The following WASHC5 variants were observed in gnomAD, a reference collection of about 807,000 sequenced individuals.
WASHC5 encodes the protein WASH complex subunit strumpellin.
Under a neutral mutation model 150.4 loss-of-function variants are expected in WASHC5, and 101 were observed. The ratio of observed to expected loss-of-function variants is 0.67; its 90% CI spans 0.57 to 0.79. WASHC5 has a LOEUF of 0.79. WASHC5 is among the 30% of genes least tolerant of loss of function. WASHC5 has a pLI of 0.00. For missense variants in WASHC5, 1,195 were observed against 1,396.3 expected (o/e 0.86, Z 2.30); for synonymous variants, 467 against 491.2 (o/e 0.95, Z 0.65).
intron 2 of WASHC5, 133 bp downstream of exon 2, chr8:125,083,580 A>G (rs1817336206): frequency 1.4e-6 from 1 of 703,052 alleles, no homozygotes; most frequent in Middle Eastern, 3.9e-4. Context: ...AGTAGCTAAT[A>G]TTAAGTTTAG....
At chr8:125,055,095 A>C (rs2130077159) in intron 17 of WASHC5, among the ~76,000 whole-genome samples, 1 of 152,284 alleles carries the variant, frequency 6.6e-6, no homozygotes, top group Non-Finnish European at 1.5e-5. Context: ...TAAGAGAAAT[A>C]AAGATTACAA....
intron 23 of WASHC5, among the ~76,000 whole-genome samples, chr8:125,042,983 T>C (rs1237646018): frequency 6.6e-6 from 1 of 152,254 alleles, no homozygotes; most frequent in Non-Finnish European, 1.5e-5. Context: ...AATGGAACTT[T>C]TCAAAATTCC....
Position 125,037,341 on chromosome 8 carries a change from G to A in WASHC5, c.3085-8C>T, listed in dbSNP as rs201735949. On this transcript the variant is annotated splice_region_variant and splice_polypyrimidine_tract_variant and intron_variant, in intron 25 of 28. Coordinates refer to ENST00000318410, the MANE Select transcript of WASHC5 (RefSeq NM_014846.4). ...CTTTGTTGTTATGTATATCTGGAAAGAGAAAGGTAAGAAAAATAGATGGTT... is the reference window on the plus strand; with the variant it reads ...CTTTGTTGTTATGTATATCTGGAAAAAGAAAGGTAAGAAAAATAGATGGTT... The A allele has an allele frequency of 5.6e-5, 85 of 1,511,974 alleles. No individual in the cohort carries two copies. The highest frequency in any genetic ancestry group is 7.5e-5 in the Non-Finnish European group (82 of 1,087,056). 93.7% of individuals were successfully genotyped at this position (1,511,974 alleles called of 1,614,324 possible).
Position 125,078,724 on chromosome 8 carries a change from G to A in WASHC5, c.711+14C>T. Reference sequence around the variant, plus strand: ...TAAACTGTCTTAATAGGTCTTAATAGATTTAATTCCCACCTGGTTGTAAAT... The same window carrying A: ...TAAACTGTCTTAATAGGTCTTAATAAATTTAATTCCCACCTGGTTGTAAAT... On this transcript the variant is annotated intron_variant, in intron 6 of 28. Transcript: ENST00000318410. The A allele has an allele frequency of 6.3e-7, 1 of 1,593,570 alleles. No homozygotes were observed. The highest frequency in any genetic ancestry group is 8.6e-7 in the Non-Finnish European group (1 of 1,163,664).
At chr8:125,089,727 G>A (rs576818178) in intron 1 of WASHC5, among the ~76,000 whole-genome samples, 1 of 152,318 alleles carries the variant, frequency 6.6e-6, no homozygotes, top group South Asian at 2.1e-4. Flanking sequence ...GCTTCAGTCT[G>A]GGATAACGAC....
In WASHC5 at chr8:125,080,793, T is replaced by C. The variant is rs984442435; in HGVS notation, c.518+868A>G. 7.2e-5 allele frequency among the ~76,000 whole-genome samples: 11 copies of C among 152,240 alleles called. 1 individual carries two copies. The highest frequency in any genetic ancestry group is 5.2e-4 in the Admixed American group (8 of 15,284). On this transcript the variant is annotated intron_variant, in intron 5 of 28. Transcript: ENST00000318410. The stretch of plus-strand genomic sequence containing the variant: ...CTGAAGAATCACAGTTCTGTATAGA[T>C]AAACACAACAAATGATTTGTGGATA...
Position 125,063,274 on chromosome 8 carries a change from A to C in WASHC5, c.1408+248T>G, listed in dbSNP as rs74754143. ...GAGTTACCAAAACCCCTGGTTTAGCATAACCTCACATTTCAAAGATAAGAT... is the reference window on the plus strand; with the variant it reads ...GAGTTACCAAAACCCCTGGTTTAGCCTAACCTCACATTTCAAAGATAAGAT... On this transcript the variant is annotated intron_variant, in intron 11 of 28. Coordinates refer to ENST00000318410, the MANE Select transcript of WASHC5 (RefSeq NM_014846.4). Among the ~76,000 whole-genome samples the C allele has an allele frequency of 0.026, 3,999 of 152,232 alleles. 182 individuals carry two copies. The highest frequency in any genetic ancestry group is 0.092 in the African/African-American group (3,829 of 41,518).
In WASHC5 at chr8:125,091,762, C is replaced by T. The variant is rs1817661589; in HGVS notation, c.-272G>A. The T allele has an allele frequency of 6.6e-6, 1 of 152,416 alleles. No individual in the cohort carries two copies. Among genetic ancestry groups the T allele is most frequent in the Non-Finnish European group, 1.5e-5 (1 of 68,196 alleles). 9.4% of individuals were successfully genotyped at this position (152,416 alleles called of 1,614,324 possible). On this transcript the variant is annotated 5_prime_UTR_variant, in exon 1 of 29. Transcript: ENST00000318410. ...GCGGGTCAGACCCCGACTTCCGCCC[C>T]TGACTCCCCAGGCGGTCACATGACC...
intron 26 of WASHC5, among the ~76,000 whole-genome samples, chr8:125,034,626 G>T (rs886915186): frequency 1.3e-5 from 2 of 152,128 alleles, no homozygotes; most frequent in African/African-American, 4.8e-5. Context: ...TTGGACAAAG[G>T]GTTGGCAGTT....
intron 3 of WASHC5, 118 bp downstream of exon 3, chr8:125,082,995 A>G: frequency 1.5e-6 from 1 of 687,716 alleles, no homozygotes; most frequent in Non-Finnish European, 2.5e-6. Flanking sequence ...AACTATATAC[A>G]GTATAAACTA....
intron 6 of WASHC5, 26 bp downstream of exon 6, chr8:125,078,712 T>C: frequency 7.1e-7 from 1 of 1,401,300 alleles, no homozygotes; most frequent in Non-Finnish European, 9.4e-7. Context: ...ACTGTCTTAA[T>C]AGGTCTTAAT....
At chr8:125,047,111 C>T (rs1010089048) in intron 20 of WASHC5, 96 bp downstream of exon 20, 27 of 1,438,626 alleles carry the variant, frequency 1.9e-5, no homozygotes, top group Non-Finnish European at 2.5e-5. Flanking sequence ...AAGTGCAGGA[C>T]CCCCGTGACT....
Position 125,028,815 on chromosome 8 carries a change from A to C in WASHC5, c.3336-108T>G, listed in dbSNP as rs1378566633. 5.2e-6 allele frequency: 4 copies of C among 769,002 alleles called. No homozygotes were observed. In the African/African-American group the frequency reaches 6.8e-5, roughly 13 times the overall value. 47.6% of individuals were successfully genotyped at this position (769,002 alleles called of 1,614,324 possible). On this transcript the variant is annotated intron_variant, in intron 27 of 28. Transcript: ENST00000318410. Reference sequence around the variant, plus strand: ...CCAACAGATTACCTAATGAAGTCAAAGATGAACAAAAACATTGAGCATGCT... The same window carrying C: ...CCAACAGATTACCTAATGAAGTCAACGATGAACAAAAACATTGAGCATGCT...
chr8:125,049,258 G>T, intron 18 of WASHC5, 73 bp from the exon 19 acceptor site: 1 of 1,514,880 alleles, frequency 6.6e-7, no homozygotes, highest in Non-Finnish European at 9.2e-7. Context: ...TATCTAACTA[G>T]ACTTTAAATA....
intron 5 of WASHC5, among the ~76,000 whole-genome samples, chr8:125,079,661 G>C (rs893760458): frequency 7.2e-5 from 11 of 152,152 alleles, no homozygotes; most frequent in Admixed American, 7.2e-4. Context: ...CACTCCAGCA[G>C]GGTCTGAATT....
At chr8:125,062,075 G>A (rs77313194) in intron 11 of WASHC5, among the ~76,000 whole-genome samples, 4,004 of 152,062 alleles carry the variant, frequency 0.026, 180 homozygotes, top group African/African-American at 0.093. Context: ...AAAGACTTAC[G>A]ATCTAAGTTA....
intron 24 of WASHC5, 118 bp from the exon 25 acceptor site, chr8:125,039,077 A>C: frequency 1.8e-6 from 2 of 1,139,500 alleles, no homozygotes; most frequent in Non-Finnish European, 2.6e-6. Flanking sequence ...GTAAAATGAG[A>C]GCTTGATCTC....
At chr8:125,051,993 A>C (rs1302070963) in intron 17 of WASHC5, among the ~76,000 whole-genome samples, 3 of 152,180 alleles carry the variant, frequency 2.0e-5, no homozygotes, top group Non-Finnish European at 4.4e-5. Flanking sequence ...TATACACAGG[A>C]GGCCTGAGAT....
chr8:125,049,460 A>G (rs1816173518), intron 18 of WASHC5, among the ~76,000 whole-genome samples: 1 of 152,090 alleles, frequency 6.6e-6, no homozygotes, highest in Non-Finnish European at 1.5e-5. Context: ...TGGGAGGCTG[A>G]GGCAGGGAAC....
Sources: gnomAD v4.1 joint callset for allele counts (sites outside exome capture counted in the v4.1 genomes callset) on GRCh38, gnomAD v4.1.1 for gene constraint, MANE v1.5 for transcripts, NCBI Gene and HGNC (gene_info 2026-07-23, HGNC 2026-07-21) for gene names.